NPC1: variants seen among roughly 807,000 people sequenced by gnomAD.
NPC1 encodes the protein NPC intracellular cholesterol transporter 1.
Under a neutral mutation model 140.4 loss-of-function variants are expected in NPC1, and 85 were observed. That is an observed-to-expected ratio of 0.61 (90% confidence interval 0.51 to 0.72). The LOEUF (loss-of-function observed/expected upper bound fraction) is 0.72. Among genes scored for constraint, NPC1 ranks in the 30% least tolerant of loss-of-function variants. The probability of loss-of-function intolerance (pLI) is 0.00; values close to 1 mark genes in which losing one functional copy is unlikely to be tolerated. For missense variants in NPC1, 1,504 were observed against 1,623.8 expected (o/e 0.93, Z 1.27); for synonymous variants, 656 against 624.8 (o/e 1.05, Z -0.74).
At chr18:23,561,279 T>C in intron 5 of NPC1, 81 bp downstream of exon 5, 1 of 1,455,664 alleles carries the variant, frequency 6.9e-7, no homozygotes, top group African/African-American at 1.4e-5. Context: ...CCCCAAGCAC[T>C]GGTGAGCCAC....
rs2058512288 is a variant in NPC1, at chr18:23,531,639, G to A, written c.*563C>T. 2 of 1,613,146 alleles carry A rather than the reference G, an allele frequency of 1.2e-6. No individual in the cohort carries two copies. The highest frequency in any genetic ancestry group is 3.3e-5 in the Admixed American group (2 of 59,846). ...TTCCTTTCTAGGGGAACACTGTGAA[G>A]AACATGTTGCTTTTTTCAAACAGAT... On this transcript the variant is annotated 3_prime_UTR_variant, in exon 25 of 25. Transcript: ENST00000269228.
Position 23,582,926 on chromosome 18 carries a change from C to G in NPC1, c.57+3361G>C, listed in dbSNP as rs994625727. Among the ~76,000 whole-genome samples, 6 of 151,758 alleles carry G rather than the reference C, an allele frequency of 4.0e-5. No homozygotes were observed. The South Asian group carries it at 6.2e-4, about 16-fold the overall frequency. On this transcript the variant is annotated intron_variant, in intron 1 of 24. Coordinates refer to ENST00000269228, the MANE Select transcript of NPC1 (RefSeq NM_000271.5). Reference sequence around the variant, plus strand: ...GAATTCAAGACCACCTTGGGCAACACAGCAAGACCTTGTGTCTACAAAAAA... The same window carrying G: ...GAATTCAAGACCACCTTGGGCAACAGAGCAAGACCTTGTGTCTACAAAAAA...
chr18:23,509,339 T>G, intron 3 of NPC1: 1 of 742,826 alleles, frequency 1.3e-6, no homozygotes, highest in South Asian at 3.3e-5. Context: ...TCTGGCAGCC[T>G]TTTGAATTCA....
At chr18:23,545,737 A>G (rs899028924) in intron 11 of NPC1, among the ~76,000 whole-genome samples, 3 of 152,068 alleles carry the variant, frequency 2.0e-5, no homozygotes, top group African/African-American at 7.3e-5. Context: ...TACTACAGAG[A>G]CGTATCCCCA....
intron 4 of NPC1, among the ~76,000 whole-genome samples, chr18:23,562,593 T>A: frequency 6.6e-6 from 1 of 152,180 alleles, no homozygotes; most frequent in Admixed American, 6.5e-5. Context: ...TCTCAACAGA[T>A]TATTCCATTG....
intron 21 of NPC1, 104 bp downstream of exon 21, chr18:23,536,569 G>T: frequency 1.0e-6 from 1 of 1,001,736 alleles, no homozygotes; most frequent in Non-Finnish European, 1.5e-6. Flanking sequence ...GCAGGGGCCA[G>T]AACCCAACCT....
chr18:23,511,873 C>G (rs2057867422), intron 3 of NPC1, among the ~76,000 whole-genome samples: 1 of 152,102 alleles, frequency 6.6e-6, no homozygotes, highest in South Asian at 2.1e-4. Flanking sequence ...GTACGAACAT[C>G]TGAAAAGCTG....
At position 23,544,945 on chromosome 18, in the gene NPC1, C is replaced by CCCA. The variant is rs1555634635; in HGVS notation, c.1947+14_1947+15insTGG. The CCCA allele has an allele frequency of 7.0e-6, 9 of 1,291,344 alleles. 1 individual carries two copies. In the East Asian group the frequency reaches 2.4e-4, roughly 34 times the overall value. The allele number at this position is 1,291,344 out of a possible 1,614,324, so 80.0% of individuals were successfully genotyped here. ...TGTTAACCTCTAGAACATACACCAC[C>CCCA]CCCCCCCGGCTTACCAGAAGCCTGC... On this transcript the variant is annotated intron_variant, in intron 12 of 24. Transcript: ENST00000269228.
Position 23,556,355 on chromosome 18 carries a change from G to A in NPC1, c.1214C>T (p.Thr405Met), listed in dbSNP as rs764364312. The A allele has an allele frequency of 8.1e-6, 13 of 1,614,034 alleles. No individual in the cohort carries two copies. The highest frequency in any genetic ancestry group is 3.3e-5 in the Admixed American group (2 of 60,012). Residue 405 changes from threonine (T) to methionine (M), a missense_variant, in exon 8 of 25, where the codon ACG becomes ATG. Transcript: ENST00000269228. ...FDQHFGPFFRTEQLIIRAPLT... is the reference protein window; with the variant it reads ...FDQHFGPFFRMEQLIIRAPLT... ...AGGGGCCCGGATGATGAGCTGCTCCGTCCGGAAGAAAGGCCCAAAGTGCTG... is the reference window on the plus strand; with the variant it reads ...AGGGGCCCGGATGATGAGCTGCTCCATCCGGAAGAAAGGCCCAAAGTGCTG...
Position 23,560,447 on chromosome 18 carries a change from T to C in NPC1, c.665A>G (p.Asn222Ser), listed in dbSNP as rs55680026. 5.4e-3 allele frequency: 8,670 copies of C among 1,614,122 alleles called. 37 individuals carry two copies. The highest frequency in any genetic ancestry group is 6.5e-3 in the Non-Finnish European group (7,713 of 1,179,984). Residue 222 changes from asparagine to serine, a missense_variant, in exon 6 of 25, where the codon AAT becomes AGT. Transcript: ENST00000269228. The stretch of plus-strand genomic sequence containing the variant: ...AGACTCGTCACAGCCTTTGGTGGCA[T>C]TGTTCATGGGCTCCATCCCATGGAC... ...FPVHGMEPMN[N>S]ATKGCDESVD...
chr18:23,516,016 G>A (rs776098573), intron 3 of NPC1: 52 of 1,612,998 alleles, frequency 3.2e-5, no homozygotes, highest in Non-Finnish European at 4.4e-5. Context: ...AGCCTCCCCT[G>A]AAAAAAACAC....
chr18:23,520,340 G>T (rs748734857), downstream of NPC1: 1 of 1,554,366 alleles, frequency 6.4e-7, no homozygotes, highest in East Asian at 2.3e-5. Flanking sequence ...AGAGGAGTCT[G>T]TGCTGCCCTT....
At chr18:23,529,896 C>A (rs2058437841), downstream of NPC1, 2 of 1,058,150 alleles carry the variant, frequency 1.9e-6, no homozygotes, top group African/African-American at 1.7e-5. Flanking sequence ...TCTTTACCTG[C>A]ATGACGAAAC....
At position 23,531,866 on chromosome 18, in the gene NPC1, A is replaced by C; in HGVS notation, c.*336T>G. Reference sequence around the variant, plus strand: ...GGATGGCTTACTCCTAAAAGGAGAGACAGACAGTGCATTGATTGGCCTTTA... The same window carrying C: ...GGATGGCTTACTCCTAAAAGGAGAGCCAGACAGTGCATTGATTGGCCTTTA... On this transcript the variant is annotated 3_prime_UTR_variant, in exon 25 of 25. Transcript: ENST00000269228. 1 of 1,448,662 alleles carries C rather than the reference A, an allele frequency of 6.9e-7. No homozygotes were observed. Among genetic ancestry groups the C allele is most frequent in the South Asian group, 1.5e-5 (1 of 67,892 alleles). The allele number at this position is 1,448,662 out of a possible 1,614,324, so 89.7% of individuals were successfully genotyped here. A position where few individuals can be genotyped will look rare whatever the true frequency, so the allele number is the denominator to read the frequency against.
At chr18:23,574,530 CTAAG>C (rs1370550145) in intron 1 of NPC1, among the ~76,000 whole-genome samples, 3 of 152,128 alleles carry the variant, frequency 2.0e-5, no homozygotes, top group Non-Finnish European at 4.4e-5. Flanking sequence ...AGGCAAGAAG[CTAAG>C]TCAGTCTGTG....
At chr18:23,567,457 T>TTG (rs1395861405) in intron 4 of NPC1, among the ~76,000 whole-genome samples, 1 of 152,178 alleles carries the variant, frequency 6.6e-6, no homozygotes, top group Non-Finnish European at 1.5e-5. Context: ...TCTGTTCAGG[T>TTG]TGTTTTGTCC....
chr18:23,550,648 ATTT>A (rs1265367644), intron 10 of NPC1, among the ~76,000 whole-genome samples: 2 of 151,546 alleles, frequency 1.3e-5, no homozygotes, highest in Admixed American at 1.3e-4. Flanking sequence ...CACCCAGCTA[ATTT>A]TTTAAAGAAT....
chr18:23,554,521 G>A (rs576237040), intron 9 of NPC1, among the ~76,000 whole-genome samples: 4 of 151,890 alleles, frequency 2.6e-5, no homozygotes, highest in South Asian at 2.1e-4. Context: ...TATGAGAATC[G>A]CTTGAACTTG....
At chr18:23,542,751 G>C (rs543595123) in intron 14 of NPC1, among the ~76,000 whole-genome samples, 1 of 152,206 alleles carries the variant, frequency 6.6e-6, no homozygotes, top group African/African-American at 2.4e-5. Flanking sequence ...TCTTGTAAGC[G>C]AGTGCCTGTG....
Sources: allele counts gnomAD v4.1 joint callset (sites outside exome capture counted in the v4.1 genomes callset), GRCh38; gene constraint gnomAD v4.1.1; transcripts MANE v1.5; gene names NCBI Gene and HGNC (gene_info 2026-07-23, HGNC 2026-07-21).